Variants in PTPN2 observed in about 807,000 individuals in gnomAD.
PTPN2 encodes the protein protein tyrosine phosphatase non-receptor type 2.
Under a neutral mutation model 57.3 loss-of-function variants are expected in PTPN2, and 19 were observed. The ratio of observed to expected loss-of-function variants is 0.33; its 90% confidence interval spans 0.23 to 0.49. PTPN2 has a LOEUF of 0.49. PTPN2 is among the 20% of genes least tolerant of loss of function. The pLI is 0.99. For synonymous variants in PTPN2, 153 were observed against 164.9 expected (o/e 0.93, Z 0.55); for missense variants, 358 against 501.1 (o/e 0.71, Z 2.73).
chr18:12,856,855 T>G (rs1598858713), intron 2 of PTPN2, among the ~76,000 whole-genome samples: 2 of 149,756 alleles, frequency 1.3e-5, no homozygotes, highest in African/African-American at 2.5e-5. Context: ...AGGTAAGGAG[T>G]TCAAGACCAG....
chr18:12,834,831 G>C (rs1243120655), intron 3 of PTPN2, among the ~76,000 whole-genome samples: 5 of 152,144 alleles, frequency 3.3e-5, no homozygotes, highest in Admixed American at 2.6e-4. Flanking sequence ...AGGGAGAAAG[G>C]GTTGTGATAA....
intron 1 of PTPN2, among the ~76,000 whole-genome samples, chr18:12,874,220 G>A (rs111949880): frequency 0.02 from 2,972 of 147,986 alleles, 82 homozygotes; most frequent in African/African-American, 0.056. Context: ...TCAGCCCCCC[G>A]CCCGGCCAGC....
intron 5 of PTPN2, among the ~76,000 whole-genome samples, chr18:12,820,789 C>T (rs964186982): frequency 2.6e-5 from 4 of 152,242 alleles, no homozygotes; most frequent in Non-Finnish European, 5.9e-5. Flanking sequence ...CTGTGTAAAA[C>T]TCTGCATTAT....
intron 2 of PTPN2, among the ~76,000 whole-genome samples, chr18:12,848,188 A>G (rs1048571425): frequency 6.6e-6 from 1 of 152,252 alleles, no homozygotes; most frequent in Non-Finnish European, 1.5e-5. Context: ...AAAGATGACA[A>G]GCACTTTCTG....
At chr18:12,823,204 C>T (rs1242409638) in intron 5 of PTPN2, among the ~76,000 whole-genome samples, 1 of 152,120 alleles carries the variant, frequency 6.6e-6, no homozygotes, top group African/African-American at 2.4e-5. Flanking sequence ...ATGTTCTAAA[C>T]CCAGGCCAAT....
chr18:12,853,035 C>T (rs1317874839), intron 2 of PTPN2, among the ~76,000 whole-genome samples: 1 of 152,190 alleles, frequency 6.6e-6, no homozygotes, highest in Non-Finnish European at 1.5e-5. Flanking sequence ...ATGTGTTAAT[C>T]TCCTCAAGTA....
chr18:12,827,519 G>A (rs895564289), intron 4 of PTPN2, among the ~76,000 whole-genome samples: 6 of 151,534 alleles, frequency 4.0e-5, no homozygotes, highest in African/African-American at 1.5e-4. Context: ...ACCCCAGCTG[G>A]GACTCCAGGT....
intron 1 of PTPN2, among the ~76,000 whole-genome samples, chr18:12,870,079 GAGTTTAGAGACTAAAAC>G (rs1390839872): frequency 6.6e-6 from 1 of 150,886 alleles, no homozygotes; most frequent in East Asian, 2.0e-4. Context: ...TTGAGGAAGA[GAGTTTAGAGACTAAAAC>G]AGCTCACTGT....
intron 2 of PTPN2, among the ~76,000 whole-genome samples, chr18:12,852,889 C>A (rs752195627): frequency 2.0e-5 from 3 of 152,080 alleles, no homozygotes; most frequent in Non-Finnish European, 2.9e-5. Context: ...TTAAAAAATT[C>A]TTTTTCCATT....
At chr18:12,840,803 C>T (rs1454869598) in intron 2 of PTPN2, 1 of 1,598,392 alleles carries the variant, frequency 6.3e-7, no homozygotes, top group Admixed American at 1.7e-5. Flanking sequence ...TTCTTGCTGA[C>T]ATCACCTTTT....
intron 5 of PTPN2, among the ~76,000 whole-genome samples, chr18:12,822,636 C>T (rs143453139): frequency 2.6e-4 from 39 of 152,286 alleles, no homozygotes; most frequent in Non-Finnish European, 5.0e-4. Flanking sequence ...AGATACGTGT[C>T]AGACTCCCTT....
chr18:12,881,623 A>G (rs1194036428), intron 1 of PTPN2, among the ~76,000 whole-genome samples: 1 of 151,676 alleles, frequency 6.6e-6, no homozygotes, highest in Non-Finnish European at 1.5e-5. Flanking sequence ...GCCTTTGTGC[A>G]CTCCCTCCTT....
At chr18:12,870,400 T>C (rs2044189836) in intron 1 of PTPN2, among the ~76,000 whole-genome samples, 1 of 83,798 alleles carries the variant, frequency 1.2e-5, no homozygotes, top group Non-Finnish European at 2.0e-5. Context: ...TATGTATATA[T>C]ACACGTATAT....
intron 1 of PTPN2, among the ~76,000 whole-genome samples, chr18:12,870,372 T>TATGTGTATATAC (rs2044181374): frequency 3.1e-5 from 2 of 65,310 alleles, no homozygotes; most frequent in Non-Finnish European, 5.3e-5. Flanking sequence ...TGTGTATATA[T>TATGTGTATATAC]ACATATATAT....
chr18:12,836,668 G>GA, intron 3 of PTPN2, 123 bp downstream of exon 3: 1 of 626,692 alleles, frequency 1.6e-6, no homozygotes, highest in Non-Finnish European at 2.7e-6. Context: ...TACATCGTCA[G>GA]AAAAAAACTG....
intron 1 of PTPN2, among the ~76,000 whole-genome samples, chr18:12,874,526 A>G (rs1598896226): frequency 3.0e-5 from 2 of 65,846 alleles, no homozygotes. Flanking sequence ...CCCGTCCGGG[A>G]GGAAGGTGGG....
At chr18:12,799,588 ATT>A (rs113551012) in intron 8 of PTPN2, among the ~76,000 whole-genome samples, 6 of 144,104 alleles carry the variant, frequency 4.2e-5, no homozygotes, top group Admixed American at 1.4e-4. Flanking sequence ...CTTCTTTTAC[ATT>A]TTTTTTTTTT....
intron 7 of PTPN2, among the ~76,000 whole-genome samples, chr18:12,803,528 G>A (rs1173238181): frequency 6.6e-6 from 1 of 152,154 alleles, no homozygotes; most frequent in Admixed American, 6.5e-5. Flanking sequence ...GACACACTAA[G>A]ACTGAAAGTG....
intron 7 of PTPN2, among the ~76,000 whole-genome samples, chr18:12,803,081 T>C (rs1353905905): frequency 6.6e-6 from 1 of 152,038 alleles, no homozygotes; most frequent in Admixed American, 6.6e-5. Flanking sequence ...TATAAAAAGA[T>C]GTAAATTAAG....
Sources: gnomAD v4.1 joint callset for allele counts (sites outside exome capture counted in the v4.1 genomes callset) on GRCh38, gnomAD v4.1.1 for gene constraint, MANE v1.5 for transcripts, NCBI Gene and HGNC (gene_info 2026-07-23, HGNC 2026-07-21) for gene names.